ZNF461: variants seen among roughly 807,000 people sequenced by gnomAD.
ZNF461 encodes gonadotropin-inducible ovarian transcription factor-1.
In ZNF461, 16 loss-of-function variants were observed where a neutral mutation model predicts 18.3. That is an observed-to-expected ratio of 0.88 (90% CI 0.59 to 1.33). The LOEUF (loss-of-function observed/expected upper bound fraction) is 1.33. Ranked by LOEUF, ZNF461 falls within the 40% of genes most tolerant of loss-of-function variation. ZNF461 has a pLI of 0.00. For missense variants in ZNF461, 595 were observed against 669.9 expected (o/e 0.89, Z 1.23); for synonymous variants, 179 against 216.9 (o/e 0.83, Z 1.54).
intron 3 of ZNF461, 152 bp downstream of exon 3, chr19:36,658,147 T>C (rs1018201699): frequency 1.3e-6 from 1 of 748,346 alleles, no homozygotes; most frequent in Non-Finnish European, 2.1e-6. Flanking sequence ...TTAGCTGTGC[T>C]GGTTTCTACA....
At chr19:36,642,760 T>TG (rs146971400) in intron 5 of ZNF461, among the ~76,000 whole-genome samples, 1,132 of 64,500 alleles carry the variant, frequency 0.018, 19 homozygotes, top group African/African-American at 0.05. Flanking sequence ...GTGTTTTTGG[T>TG]GGGGGGGGGT....
chr19:36,641,117 A>G (rs182514446), intron 5 of ZNF461, among the ~76,000 whole-genome samples: 6 of 152,290 alleles, frequency 3.9e-5, no homozygotes, highest in East Asian at 1.9e-4. Context: ...GCTTCATTTC[A>G]TCTAAGTCTC....
intron 2 of ZNF461, among the ~76,000 whole-genome samples, chr19:36,659,082 C>T (rs759485482): frequency 6.6e-6 from 1 of 152,170 alleles, no homozygotes; most frequent in Non-Finnish European, 1.5e-5. Context: ...TTCTGCCTTA[C>T]TTTCTGGGGA....
intron 2 of ZNF461, among the ~76,000 whole-genome samples, chr19:36,664,074 G>C (rs1402685089): frequency 1.3e-5 from 2 of 152,226 alleles, no homozygotes; most frequent in East Asian, 1.9e-4. Context: ...GTTCTGACAA[G>C]AGAAACACTA....
Position 36,638,611 on chromosome 19 carries a change from C to G in ZNF461, c.*42G>C. On this transcript the variant is annotated 3_prime_UTR_variant, in exon 6 of 6. Coordinates refer to ENST00000588268, the MANE Select transcript of ZNF461 (RefSeq NM_153257.5). Reference sequence around the variant, plus strand: ...AAACTGGTGGCTTACCAACTTTTTCCTTAAATAAAACAAAGACAATGTATA... The same window carrying G: ...AAACTGGTGGCTTACCAACTTTTTCGTTAAATAAAACAAAGACAATGTATA... 6.9e-7 allele frequency: 1 copy of G among 1,440,344 alleles called. No homozygotes were observed. The highest frequency in any genetic ancestry group is 9.2e-7 in the Non-Finnish European group (1 of 1,083,490). 89.2% of individuals were successfully genotyped at this position (1,440,344 alleles called of 1,614,324 possible).
intron 2 of ZNF461, 128 bp from the exon 3 acceptor site, chr19:36,658,553 A>T (rs901160412): frequency 1.1e-5 from 10 of 926,370 alleles, no homozygotes; most frequent in African/African-American, 1.7e-5. Context: ...TAAGCCTGGG[A>T]CATGGGTCAA....
intron 4 of ZNF461, among the ~76,000 whole-genome samples, chr19:36,649,142 C>T (rs1224662723): frequency 1.3e-5 from 2 of 152,050 alleles, no homozygotes; most frequent in Non-Finnish European, 2.9e-5. Flanking sequence ...ATCCAAGGTA[C>T]AACTGAAAAT....
intron 5 of ZNF461, among the ~76,000 whole-genome samples, chr19:36,640,585 TTATGTAA>T (rs1183598921): frequency 9.2e-5 from 14 of 152,188 alleles, no homozygotes; most frequent in Non-Finnish European, 1.6e-4. Flanking sequence ...TACAGAAATA[TTATGTAA>T]TACCATCTGA....
In ZNF461 at chr19:36,639,540, C is replaced by T; in HGVS notation, c.805G>A (p.Gly269Ser). The T allele has an allele frequency of 6.2e-7, 1 of 1,613,376 alleles. No individual in the cohort carries two copies. Among genetic ancestry groups the T allele is most frequent in the South Asian group, 1.1e-5 (1 of 91,044 alleles). Residue 269 changes from glycine to serine, a missense_variant, in exon 6 of 6, where the codon GGT becomes AGT. By Grantham distance (56) the Gly-to-Ser change is moderately conservative. Coordinates refer to ENST00000588268, the MANE Select transcript of ZNF461 (RefSeq NM_153257.5). ...TCGTTACATTCATAGCGTTTTTCAC[C>T]ATTATGAATTCTTAGATGTTTAAGT... ...SQLKHLRIHN[G>S]EKRYECNECG...
At chr19:36,655,996 C>CTTTTTTT (rs781044041) in intron 4 of ZNF461, among the ~76,000 whole-genome samples, 1 of 130,488 alleles carries the variant, frequency 7.7e-6, no homozygotes. Flanking sequence ...TTTAGAATAT[C>CTTTTTTT]TTTTTTTTTT....
intron 3 of ZNF461, among the ~76,000 whole-genome samples, chr19:36,656,870 A>G (rs972721543): frequency 1.3e-5 from 2 of 149,412 alleles, no homozygotes; most frequent in Admixed American, 6.7e-5. Flanking sequence ...TCCAGGCTGG[A>G]GTGCAATGGC....
intron 3 of ZNF461, 44 bp downstream of exon 3, chr19:36,658,255 C>A (rs375475059): frequency 6.4e-7 from 1 of 1,560,410 alleles, no homozygotes; most frequent in Non-Finnish European, 8.7e-7. Flanking sequence ...GAATTGTTAG[C>A]GGAATTCTGA....
chr19:36,647,055 C>G (rs1337956382), intron 4 of ZNF461, among the ~76,000 whole-genome samples: 1 of 152,092 alleles, frequency 6.6e-6, no homozygotes, highest in African/African-American at 2.4e-5. Context: ...ATTTATTTTC[C>G]CATATACCTA....
At chr19:36,655,994 A>ATT (rs2037709229) in intron 4 of ZNF461, among the ~76,000 whole-genome samples, 1 of 142,082 alleles carries the variant, frequency 7.0e-6, no homozygotes, top group Non-Finnish European at 1.6e-5. Flanking sequence ...CCTTTAGAAT[A>ATT]TCTTTTTTTT....
At chr19:36,660,148 C>CTTTTT (rs35264079) in intron 2 of ZNF461, among the ~76,000 whole-genome samples, 3 of 118,536 alleles carry the variant, frequency 2.5e-5, no homozygotes, top group African/African-American at 3.4e-5. Context: ...TCTCTAAAAT[C>CTTTTT]TTTTTTTTTT....
At chr19:36,645,348 T>A (rs1053582365) in intron 4 of ZNF461, 6 of 152,200 alleles carry the variant, frequency 3.9e-5, no homozygotes, top group Non-Finnish European at 5.9e-5. Flanking sequence ...CACAAGAAAA[T>A]TTTTTAAAGT....
At chr19:36,640,131 A>G in intron 5 of ZNF461, 88 bp from the exon 6 acceptor site, 1 of 1,114,638 alleles carries the variant, frequency 9.0e-7, no homozygotes, top group Non-Finnish European at 1.2e-6. Context: ...ATAACTGCAA[A>G]TAATTCATAT....
At chr19:36,666,050 C>T (rs2037920164) in intron 1 of ZNF461, among the ~76,000 whole-genome samples, 1 of 150,516 alleles carries the variant, frequency 6.6e-6, no homozygotes, top group South Asian at 2.1e-4. Flanking sequence ...AGTGGAAGCT[C>T]TCTGCCTGAT....
chr19:36,651,232 G>C (rs1331238285), intron 4 of ZNF461, among the ~76,000 whole-genome samples: 4 of 61,294 alleles, frequency 6.5e-5, no homozygotes, highest in Non-Finnish European at 1.2e-4. Context: ...CTCCGTCTCA[G>C]GAAAAAAAAA....
Sources: allele counts gnomAD v4.1 joint callset (sites outside exome capture counted in the v4.1 genomes callset), GRCh38; gene constraint gnomAD v4.1.1; transcripts MANE v1.5; gene names NCBI Gene and HGNC (gene_info 2026-07-23, HGNC 2026-07-21).